Variants in EIF3A observed in about 807,000 individuals in gnomAD.
The protein encoded by EIF3A is EIF3, p180 subunit.
A neutral mutation model predicts 186.6 loss-of-function variants in EIF3A; 21 were observed. The observed-to-expected ratio is 0.11, with a 90% CI of 0.08 to 0.16. EIF3A has a LOEUF of 0.16. Ranked by LOEUF, EIF3A falls within the 10% of genes least tolerant of loss-of-function variation. EIF3A has a pLI of 1.00. For missense variants in EIF3A, 1,306 were observed against 1,796.3 expected (o/e 0.73, Z 4.93); for synonymous variants, 563 against 584.3 (o/e 0.96, Z 0.52).
At chr10:119,071,116 A>C (rs762548757) in intron 4 of EIF3A, 31 bp from the exon 5 acceptor site, 5 of 1,439,858 alleles carry the variant, frequency 3.5e-6, no homozygotes. Flanking sequence ...TATATTAGGT[A>C]CCTTCCACTA....
Position 119,033,700 on chromosome 10 carries a change from A to C in EIF3A, c.*2339T>G, listed in dbSNP as rs1178758641. The C allele has an allele frequency of 6.0e-6, 1 of 166,774 alleles. No homozygotes were observed. Among genetic ancestry groups the C allele is most frequent in the Non-Finnish European group, 1.5e-5 (1 of 68,132 alleles). 10.3% of individuals were successfully genotyped at this position (166,774 alleles called of 1,614,324 possible). ...TCATAGATTTGATTTATTAAACCAA[A>C]ATTATACATATTAAAATTATATCAC... is the stretch of plus-strand genomic sequence containing the variant. On this transcript the variant is annotated 3_prime_UTR_variant, in exon 22 of 22. Transcript: ENST00000369144.
At chr10:119,065,594 C>CT (rs1564758271) in intron 6 of EIF3A, 24 bp from the exon 7 acceptor site, 2 of 1,546,540 alleles carry the variant, frequency 1.3e-6, no homozygotes, top group African/African-American at 2.7e-5. Context: ...AGTTTTAAAT[C>CT]TGTTAGGTTT....
chr10:119,070,208 A>T (rs1400123066), intron 5 of EIF3A, among the ~76,000 whole-genome samples: 1 of 152,200 alleles, frequency 6.6e-6, no homozygotes, highest in African/African-American at 2.4e-5. Context: ...TATACAAAAG[A>T]CTTCAAGGTC....
intron 17 of EIF3A, among the ~76,000 whole-genome samples, chr10:119,046,814 G>T (rs533583139): frequency 6.6e-6 from 1 of 151,506 alleles, no homozygotes; most frequent in South Asian, 2.1e-4. Context: ...AAAATTAGCC[G>T]GGCATGGTGG....
chr10:119,043,089 G>A (rs1057434629), intron 18 of EIF3A, among the ~76,000 whole-genome samples: 3 of 152,002 alleles, frequency 2.0e-5, no homozygotes, highest in African/African-American at 7.2e-5. Context: ...TTTGAGACTA[G>A]CCTGGGCAAC....
At chr10:119,050,436 G>T (rs1848341230) in intron 16 of EIF3A, 85 bp downstream of exon 16, 3 of 1,363,472 alleles carry the variant, frequency 2.2e-6, no homozygotes, top group South Asian at 1.4e-5. Context: ...CTTGATTCCT[G>T]TATTTTCTAC....
chr10:119,055,000 A>C (rs1848405348), intron 14 of EIF3A, among the ~76,000 whole-genome samples: 1 of 152,186 alleles, frequency 6.6e-6, no homozygotes, highest in African/African-American at 2.4e-5. Flanking sequence ...ACTTGAGGTC[A>C]GGAGTTCAAG....
Position 119,058,088 on chromosome 10 carries a change from T to C in EIF3A, c.1845A>G (p.Glu615=). ...RKAEEERLRQ[E]AKEREKERIL... The stretch of plus-strand genomic sequence containing the variant: ...TACGCTCCTTCTCTCTCTCCTTTGC[T>C]TCCTGGCGCAGCCTCTCTTCCTCAG... Residue 615 remains glutamate (E), a synonymous_variant, in exon 12 of 22, where the codon GAA becomes GAG. Coordinates refer to ENST00000369144, the MANE Select transcript of EIF3A (RefSeq NM_003750.4). 6.2e-7 allele frequency: 1 copy of C among 1,614,230 alleles called. No individual in the cohort carries two copies. The highest frequency in any genetic ancestry group is 1.3e-5 in the African/African-American group (1 of 75,064).
chr10:119,080,580 G>C, intron 1 of EIF3A, 48 bp downstream of exon 1: 1 of 1,549,444 alleles, frequency 6.5e-7, no homozygotes, highest in Non-Finnish European at 8.7e-7. Flanking sequence ...TCTCGACCTC[G>C]GAGGCCTCGG....
chr10:119,043,358 C>G (rs1426577421), intron 18 of EIF3A, among the ~76,000 whole-genome samples: 1 of 152,116 alleles, frequency 6.6e-6, no homozygotes, highest in Non-Finnish European at 1.5e-5. Flanking sequence ...AGAATTGCTT[C>G]AACCCAGGAG....
chr10:119,057,914 C>T, intron 12 of EIF3A, 42 bp downstream of exon 12: 1 of 1,502,342 alleles, frequency 6.7e-7, no homozygotes, highest in Non-Finnish European at 9.1e-7. Context: ...GTACAAAATA[C>T]CTGGATAAAA....
chr10:119,061,180 G>T, intron 8 of EIF3A, 44 bp downstream of exon 8: 1 of 1,137,534 alleles, frequency 8.8e-7, no homozygotes, highest in Non-Finnish European at 1.3e-6. Flanking sequence ...CTGCAAGAAG[G>T]CCAACTCTGT....
intron 1 of EIF3A, among the ~76,000 whole-genome samples, chr10:119,076,095 T>C (rs1844167524): frequency 2.0e-5 from 3 of 149,778 alleles, no homozygotes; most frequent in Admixed American, 1.3e-4. Flanking sequence ...TCACAGCACT[T>C]TGGGAGGCGG....
intron 9 of EIF3A, 74 bp downstream of exon 9, chr10:119,060,672 C>A: frequency 8.7e-7 from 1 of 1,146,332 alleles, no homozygotes. Flanking sequence ...CTAGGCAGTT[C>A]TAGATTTTTC....
In EIF3A at chr10:119,036,138, T is replaced by C; in HGVS notation, c.4050A>G (p.Glu1350=). Residue 1350 remains glutamate (E), a synonymous_variant, in exon 22 of 22, where the codon GAA becomes GAG. Coordinates refer to ENST00000369144, the MANE Select transcript of EIF3A (RefSeq NM_003750.4). The part of the protein sequence containing the change: ...ERDRDREREG[E]KEKASWRAEK... ...CAGCTCTCCATGAGGCCTTCTCTTT[T>C]TCACCTTCTCTTTCTCGGTCTCGGT... 1 of 1,614,114 alleles carries C rather than the reference T, an allele frequency of 6.2e-7. No homozygotes were observed. The highest frequency in any genetic ancestry group is 8.5e-7 in the Non-Finnish European group (1 of 1,180,004).
At chr10:119,048,145 A>G (rs1203518323) in intron 17 of EIF3A, among the ~76,000 whole-genome samples, 1 of 151,872 alleles carries the variant, frequency 6.6e-6, no homozygotes, top group Non-Finnish European at 1.5e-5. Context: ...TTTGGCTCTC[A>G]GTAATGAGTA....
intron 6 of EIF3A, among the ~76,000 whole-genome samples, chr10:119,068,271 G>A (rs936991570): frequency 1.3e-5 from 2 of 152,200 alleles, no homozygotes; most frequent in African/African-American, 4.8e-5. Flanking sequence ...TCTATAGGTT[G>A]TTGGGTTATA....
intron 1 of EIF3A, among the ~76,000 whole-genome samples, chr10:119,080,115 G>A (rs1844238489): frequency 6.6e-6 from 1 of 152,258 alleles, no homozygotes; most frequent in Non-Finnish European, 1.5e-5. Context: ...GCGGCTTGGA[G>A]AGCGGGGGTG....
rs1333787836 is a variant in EIF3A, at chr10:119,080,695, T to C, written c.-19A>G. On this transcript the variant is annotated 5_prime_UTR_variant, in exon 1 of 22. Transcript: ENST00000369144. ...CCGGCATCTTGGCGGCAGGCTCAGCTCACCCGGCGTCAGCGAACTCTCTAG... is the reference window on the plus strand; with the variant it reads ...CCGGCATCTTGGCGGCAGGCTCAGCCCACCCGGCGTCAGCGAACTCTCTAG... 22 of 1,584,268 alleles carry C rather than the reference T, an allele frequency of 1.4e-5. No individual in the cohort carries two copies. In the East Asian group the frequency reaches 5.1e-4, roughly 37 times the overall value.
Sources: allele counts gnomAD v4.1 joint callset (sites outside exome capture counted in the v4.1 genomes callset), GRCh38; gene constraint gnomAD v4.1.1; transcripts MANE v1.5; gene names NCBI Gene and HGNC (gene_info 2026-07-23, HGNC 2026-07-21).